LSAMP: variants seen among roughly 807,000 people sequenced by gnomAD.
LSAMP encodes the protein limbic system associated membrane protein, also known as limbic system-associated membrane protein.
Under a neutral mutation model 38.6 loss-of-function variants are expected in LSAMP, and 7 were observed. That is an observed-to-expected ratio of 0.18 (90% CI 0.10 to 0.34). The LOEUF (loss-of-function observed/expected upper bound fraction) is 0.34. Among genes scored for constraint, LSAMP ranks in the 10% least tolerant of loss-of-function variants. The pLI is 1.00. For synonymous variants in LSAMP, 154 were observed against 166.8 expected, an observed-to-expected ratio of 0.92 and a Z score of 0.59; for missense variants, 313 against 420.0, an observed-to-expected ratio of 0.75 and a Z score of 2.23.
intron 1 of LSAMP, among the ~76,000 whole-genome samples, chr3:116,389,011 C>T (rs1270023701): frequency 6.6e-6 from 1 of 152,150 alleles, no homozygotes; most frequent in East Asian, 1.9e-4. Context: ...TCCAGGAGAG[C>T]ATTGCTATGC....
At chr3:115,880,826 G>T (rs1936301626) in intron 3 of LSAMP, among the ~76,000 whole-genome samples, 1 of 151,948 alleles carries the variant, frequency 6.6e-6, no homozygotes, top group Non-Finnish European at 1.5e-5. Flanking sequence ...GAGGTCAGGA[G>T]TTCGAGACCA....
At chr3:115,821,581 T>G (rs1934240530) in intron 6 of LSAMP, among the ~76,000 whole-genome samples, 2 of 152,222 alleles carry the variant, frequency 1.3e-5, no homozygotes, top group African/African-American at 2.4e-5. Flanking sequence ...ACATAAGTCT[T>G]TCTATAAGGC....
At chr3:116,275,760 A>ATAT (rs984633458) in intron 1 of LSAMP, among the ~76,000 whole-genome samples, 1 of 151,962 alleles carries the variant, frequency 6.6e-6, no homozygotes, top group African/African-American at 2.4e-5. Context: ...CTCCTCTCCT[A>ATAT]TATTTCCATC....
At chr3:116,267,176 G>T (rs1351217550) in intron 1 of LSAMP, among the ~76,000 whole-genome samples, 1 of 151,946 alleles carries the variant, frequency 6.6e-6, no homozygotes, top group African/African-American at 2.4e-5. Context: ...TGAAGTTGGC[G>T]CCACTTGCAT....
At chr3:116,347,763 T>C (rs931290278) in intron 1 of LSAMP, among the ~76,000 whole-genome samples, 1 of 152,152 alleles carries the variant, frequency 6.6e-6, no homozygotes, top group African/African-American at 2.4e-5. Context: ...CTTCAGCTCA[T>C]CTTTTGCTTT....
At chr3:116,291,247 A>G (rs1439222639) in intron 1 of LSAMP, among the ~76,000 whole-genome samples, 2 of 152,202 alleles carry the variant, frequency 1.3e-5, no homozygotes, top group East Asian at 1.9e-4. Flanking sequence ...TGAAGAGAAG[A>G]TAACAGTCAG....
At chr3:116,280,778 C>T (rs1050319624) in intron 1 of LSAMP, among the ~76,000 whole-genome samples, 2 of 152,216 alleles carry the variant, frequency 1.3e-5, no homozygotes, top group African/African-American at 4.8e-5. Context: ...TTGTTCTTCT[C>T]TAGCCAGTGA....
intron 1 of LSAMP, among the ~76,000 whole-genome samples, chr3:116,130,923 T>C (rs778058564): frequency 3.3e-5 from 5 of 152,024 alleles, no homozygotes; most frequent in Non-Finnish European, 5.9e-5. Context: ...TGAGTGTATG[T>C]TGTTCTTTAG....
intron 3 of LSAMP, among the ~76,000 whole-genome samples, chr3:116,008,222 G>A (rs1418755286): frequency 6.6e-6 from 1 of 152,158 alleles, no homozygotes; most frequent in Non-Finnish European, 1.5e-5. Flanking sequence ...TGGTAGGTGA[G>A]TAGGCATTCG....
intron 1 of LSAMP, among the ~76,000 whole-genome samples, chr3:116,317,426 G>A (rs550597313): frequency 3.0e-4 from 46 of 151,726 alleles, no homozygotes; most frequent in Non-Finnish European, 6.2e-4. Context: ...CGCGATCTCG[G>A]CTCACTGCAA....
chr3:116,264,241 G>A (rs2046867000), intron 1 of LSAMP, among the ~76,000 whole-genome samples: 1 of 152,136 alleles, frequency 6.6e-6, no homozygotes, highest in Admixed American at 6.5e-5. Context: ...ACTCTTCTGA[G>A]ATAAAGAGAT....
chr3:116,051,913 C>A (rs1220637779), intron 2 of LSAMP, among the ~76,000 whole-genome samples: 2 of 152,156 alleles, frequency 1.3e-5, no homozygotes, highest in Non-Finnish European at 2.9e-5. Flanking sequence ...AGCTGTCATA[C>A]CACCACCAAC....
At chr3:116,432,287 A>G (rs2049292020) in intron 1 of LSAMP, among the ~76,000 whole-genome samples, 1 of 151,904 alleles carries the variant, frequency 6.6e-6, no homozygotes, top group Non-Finnish European at 1.5e-5. Context: ...TTATGTACAT[A>G]TAAAAATCAC....
At chr3:116,416,301 G>C (rs2049049561) in intron 1 of LSAMP, among the ~76,000 whole-genome samples, 1 of 152,102 alleles carries the variant, frequency 6.6e-6, no homozygotes, top group South Asian at 2.1e-4. Context: ...AACTGGAAAA[G>C]GAGTAAGGCA....
intron 3 of LSAMP, among the ~76,000 whole-genome samples, chr3:115,944,258 T>C (rs1388039255): frequency 1.3e-5 from 2 of 152,148 alleles, no homozygotes; most frequent in African/African-American, 4.8e-5. Context: ...TTAGCTCTCA[T>C]TGAAAGTAAG....
Position 116,255,968 on chromosome 3 carries a change from A to G in LSAMP, c.156-169412T>C, listed in dbSNP as rs149295566. ...ATAGTCAGACACCAGTGGATTGTAT[A>G]TATTTGGCCATTTTCCTTCTTTTTG... On this transcript the variant is annotated intron_variant, in intron 1 of 6. Transcript: ENST00000490035. 5.8e-3 allele frequency among the ~76,000 whole-genome samples: 882 copies of G among 152,170 alleles called. 7 individuals carry two copies. The highest frequency in any genetic ancestry group is 0.02 in the African/African-American group (836 of 41,522).
intron 3 of LSAMP, among the ~76,000 whole-genome samples, chr3:115,983,179 T>C (rs1939413233): frequency 6.6e-6 from 1 of 152,044 alleles, no homozygotes; most frequent in Non-Finnish European, 1.5e-5. Flanking sequence ...TGGGTCACTA[T>C]AGGAAAATCT....
chr3:116,378,564 A>C (rs1027933834), intron 1 of LSAMP, among the ~76,000 whole-genome samples: 1 of 152,120 alleles, frequency 6.6e-6, no homozygotes, highest in African/African-American at 2.4e-5. Flanking sequence ...TCTTTACAAG[A>C]AATTAATTAT....
chr3:116,092,614 G>A (rs559094038), intron 1 of LSAMP, among the ~76,000 whole-genome samples: 2 of 152,098 alleles, frequency 1.3e-5, no homozygotes, highest in Non-Finnish European at 2.9e-5. Context: ...AAAAATCAAT[G>A]CACCCATACA....
Sources: allele counts gnomAD v4.1 joint callset (sites outside exome capture counted in the v4.1 genomes callset), GRCh38; gene constraint gnomAD v4.1.1; transcripts MANE v1.5; gene names NCBI Gene and HGNC (gene_info 2026-07-23, HGNC 2026-07-21).